Variants in ELAVL4 observed in about 807,000 individuals in gnomAD.
The protein encoded by ELAVL4 is ELAV like RNA binding protein 4, also known as ELAV-like protein 4.
In ELAVL4, 1 loss-of-function variant was observed where a neutral mutation model predicts 35.6. The observed-to-expected ratio is 0.03, with a 90% CI of 0.01 to 0.13. The LOEUF (loss-of-function observed/expected upper bound fraction) is 0.13. Ranked by LOEUF, ELAVL4 falls within the 10% of genes least tolerant of loss-of-function variation. The probability of loss-of-function intolerance (pLI) is 1.00; values close to 1 mark genes in which losing one functional copy is unlikely to be tolerated. For synonymous variants in ELAVL4, 156 were observed against 171.0 expected, an observed-to-expected ratio of 0.91 and a Z score of 0.69; for missense variants, 267 against 464.9, an observed-to-expected ratio of 0.57 and a Z score of 3.91.
intron 1 of ELAVL4, among the ~76,000 whole-genome samples, chr1:50,065,915 C>T (rs1199766098): frequency 6.6e-6 from 1 of 152,060 alleles, no homozygotes; most frequent in Non-Finnish European, 1.5e-5. Flanking sequence ...GAAGGAGAAC[C>T]AGGGCTTGTT....
At chr1:50,077,440 A>G (rs1664812968) in intron 1 of ELAVL4, among the ~76,000 whole-genome samples, 1 of 152,114 alleles carries the variant, frequency 6.6e-6, no homozygotes, top group Admixed American at 6.5e-5. Context: ...AGGGTTGGCC[A>G]TTTTGTTCTA....
chr1:50,073,534 G>A (rs905455132), intron 1 of ELAVL4, among the ~76,000 whole-genome samples: 7 of 151,754 alleles, frequency 4.6e-5, no homozygotes, highest in Admixed American at 3.3e-4. Context: ...AAGGATTCGA[G>A]TAAAATGCTT....
rs1673678152 is a variant in ELAVL4, at chr1:50,146,157, T to G, written c.250+960T>G. ...ATTAATCAGCAACTGTCCTAGAGTT[T>G]TTTTTTTTTTAAAAAGGAAGCTGCA... is the stretch of plus-strand genomic sequence containing the variant. On this transcript the variant is annotated intron_variant, in intron 2 of 6. Transcript: ENST00000371824. Among the ~76,000 whole-genome samples, 4 of 149,888 alleles carry G rather than the reference T, an allele frequency of 2.7e-5. No homozygotes were observed. The South Asian group carries it at 8.5e-4, about 32-fold the overall frequency.
At chr1:50,102,308 A>G (rs1186606540), upstream of ELAVL4, among the ~76,000 whole-genome samples, 4 of 143,738 alleles carry the variant, frequency 2.8e-5, no homozygotes, top group Non-Finnish European at 3.0e-5. Flanking sequence ...ATAAAATAAA[A>G]TAAAATAAAA....
chr1:50,098,725 G>A (rs764689470), intron 1 of ELAVL4, among the ~76,000 whole-genome samples: 14 of 152,208 alleles, frequency 9.2e-5, no homozygotes, highest in Non-Finnish European at 2.9e-5. Flanking sequence ...CAGCTTTAGA[G>A]TCAGAGAGGG....
chr1:50,184,934 T>A (rs1342589178), intron 3 of ELAVL4, among the ~76,000 whole-genome samples: 1 of 152,240 alleles, frequency 6.6e-6, no homozygotes, highest in Non-Finnish European at 1.5e-5. Context: ...AATATATGGC[T>A]ATTTATATTT....
At chr1:50,144,638 G>T in intron 1 of ELAVL4, 1 of 516,002 alleles carries the variant, frequency 1.9e-6, no homozygotes, top group South Asian at 1.6e-5. Flanking sequence ...TTATAATTTG[G>T]TGTGGCTTAA....
At chr1:50,190,622 G>A (rs1682526389) in intron 3 of ELAVL4, among the ~76,000 whole-genome samples, 4 of 152,232 alleles carry the variant, frequency 2.6e-5, no homozygotes, top group Non-Finnish European at 5.9e-5. Flanking sequence ...TTTAGGGTCT[G>A]TCTCTGGAGA....
intron 6 of ELAVL4, 185 bp downstream of exon 6, chr1:50,197,652 A>G: frequency 1.9e-6 from 1 of 516,016 alleles, no homozygotes; most frequent in East Asian, 3.4e-5. Context: ...AGGGCACACA[A>G]AATGTATTTG....
intron 1 of ELAVL4, among the ~76,000 whole-genome samples, chr1:50,084,589 C>T (rs1321325358): frequency 3.3e-5 from 5 of 152,160 alleles, no homozygotes; most frequent in African/African-American, 1.2e-4. Context: ...TACCTGCCCC[C>T]TTCTGTCTTG....
upstream of ELAVL4, chr1:50,106,188 C>T (rs1572186927): frequency 1.0e-5 from 8 of 773,008 alleles, no homozygotes; most frequent in East Asian, 1.6e-4. Context: ...GGCTTCTCCA[C>T]TGCGCGGAGT....
intron 2 of ELAVL4, among the ~76,000 whole-genome samples, chr1:50,150,922 G>A (rs1674673152): frequency 6.6e-6 from 1 of 152,126 alleles, no homozygotes; most frequent in South Asian, 2.1e-4. Context: ...CTATAATAAT[G>A]CTTTAAATAT....
At chr1:50,116,449 T>C (rs949972159) in intron 1 of ELAVL4, among the ~76,000 whole-genome samples, 1 of 151,638 alleles carries the variant, frequency 6.6e-6, no homozygotes, top group African/African-American at 2.4e-5. Flanking sequence ...TCATGTGTTG[T>C]AGACAGCTGG....
In ELAVL4 at chr1:50,110,735, T is replaced by C. The variant is rs370832724; in HGVS notation, c.9+1537T>C. On this transcript the variant is annotated intron_variant, in intron 1 of 6. Coordinates refer to ENST00000371824, the MANE Select transcript of ELAVL4 (RefSeq NM_001144774.3). ...CTAGAAAAGCCTGGGGAGGACTTTT[T>C]GCTCTGCATAGATGTTATAACAAAG... Among the ~76,000 whole-genome samples, 15 of 152,298 alleles carry C rather than the reference T, an allele frequency of 9.8e-5. 1 individual carries two copies. Among genetic ancestry groups the C allele is most frequent in the African/African-American group, 3.6e-4 (15 of 41,580 alleles).
chr1:50,075,887 G>A (rs1664739132), intron 1 of ELAVL4, among the ~76,000 whole-genome samples: 1 of 152,074 alleles, frequency 6.6e-6, no homozygotes. Flanking sequence ...GAGTGAAGTG[G>A]CATGATCTCG....
intron 2 of ELAVL4, among the ~76,000 whole-genome samples, chr1:50,153,096 G>A (rs35513672): frequency 0.072 from 10,887 of 152,182 alleles, 848 homozygotes; most frequent in East Asian, 0.42. Flanking sequence ...TGGAAGTGAC[G>A]GGGAGCTGGC....
At chr1:50,169,868 T>C (rs1678670413) in intron 2 of ELAVL4, among the ~76,000 whole-genome samples, 1 of 152,234 alleles carries the variant, frequency 6.6e-6, no homozygotes, top group African/African-American at 2.4e-5. Context: ...ATGTATTATT[T>C]TTGCTGGGCT....
At chr1:50,188,191 G>A (rs1384278489) in intron 3 of ELAVL4, among the ~76,000 whole-genome samples, 1 of 152,180 alleles carries the variant, frequency 6.6e-6, no homozygotes, top group Admixed American at 6.5e-5. Context: ...ATGGTCGGCT[G>A]TCTTGGATCA....
upstream of ELAVL4, among the ~76,000 whole-genome samples, chr1:50,100,375 C>G (rs1458700197): frequency 6.6e-6 from 1 of 152,166 alleles, no homozygotes; most frequent in African/African-American, 2.4e-5. Context: ...GGAATAGATT[C>G]AGAGGAGCCT....
Sources: allele counts gnomAD v4.1 joint callset (sites outside exome capture counted in the v4.1 genomes callset), GRCh38; gene constraint gnomAD v4.1.1; transcripts MANE v1.5; gene names NCBI Gene and HGNC (gene_info 2026-07-23, HGNC 2026-07-21).